The following TFEC variants were observed in gnomAD, a reference collection of about 807,000 sequenced individuals.
The protein encoded by TFEC is class E basic helix-loop-helix protein 34.
TFEC carries 31 observed loss-of-function variants against 41.6 expected under a neutral mutation model. That is an observed-to-expected ratio of 0.74 (90% CI 0.56 to 1.01). The LOEUF (loss-of-function observed/expected upper bound fraction) is 1.01, where lower values mean the gene tolerates loss of function less well. Ranked by LOEUF, TFEC falls within the 50% of genes least tolerant of loss-of-function variation. The pLI is 0.00. For missense variants in TFEC, 402 were observed against 404.1 expected, an observed-to-expected ratio of 0.99 and a Z score of 0.04; for synonymous variants, 143 against 140.6, an observed-to-expected ratio of 1.02 and a Z score of -0.12.
At chr7:116,103,527 A>G (rs1016733957) in intron 3 of TFEC, among the ~76,000 whole-genome samples, 8 of 152,304 alleles carry the variant, frequency 5.3e-5, no homozygotes, top group South Asian at 2.1e-4. Context: ...ACATTTCCTT[A>G]TATCTTTCAC....
chr7:115,994,847 G>T (rs1251399724), intron 1 of TFEC, among the ~76,000 whole-genome samples: 1 of 152,110 alleles, frequency 6.6e-6, no homozygotes, highest in Non-Finnish European at 1.5e-5. Context: ...CCATTGCTGG[G>T]TATATACCCA....
chr7:115,954,997 C>A (rs893623524), intron 4 of TFEC, among the ~76,000 whole-genome samples: 1 of 151,944 alleles, frequency 6.6e-6, no homozygotes, highest in South Asian at 2.1e-4. Flanking sequence ...ATATAGTATA[C>A]AGAAAATATA....
chr7:116,030,590 TGTTTA>T (rs1795756126), intron 1 of TFEC, 38 bp downstream of exon 1: 2 of 978,828 alleles, frequency 2.0e-6, no homozygotes, highest in Non-Finnish European at 2.4e-6. Flanking sequence ...CTTCCTAGTT[TGTTTA>T]AAGTACAGAA....
At chr7:116,135,132 A>G (rs1798409698) in intron 1 of TFEC, among the ~76,000 whole-genome samples, 1 of 152,146 alleles carries the variant, frequency 6.6e-6, no homozygotes, top group Admixed American at 6.5e-5. Flanking sequence ...CTAAATGTTA[A>G]TGAACAGAGC....
chr7:116,039,374 C>CT (rs1795980329), intron 3 of TFEC, among the ~76,000 whole-genome samples: 1 of 150,850 alleles, frequency 6.6e-6, no homozygotes, highest in Non-Finnish European at 1.5e-5. Flanking sequence ...ATGATAATAA[C>CT]TTTGATAACC....
chr7:115,997,605 A>G (rs1314614343), intron 1 of TFEC, among the ~76,000 whole-genome samples: 1 of 152,262 alleles, frequency 6.6e-6, no homozygotes, highest in East Asian at 1.9e-4. Flanking sequence ...CAAATAAACT[A>G]AACAAGTCAC....
At chr7:116,107,516 G>A (rs1458113677) in intron 3 of TFEC, among the ~76,000 whole-genome samples, 2 of 152,166 alleles carry the variant, frequency 1.3e-5, no homozygotes, top group Non-Finnish European at 2.9e-5. Flanking sequence ...GCAAGGAGGA[G>A]CTGGTCTGAG....
At chr7:116,011,613 G>C (rs1361215848) in intron 1 of TFEC, among the ~76,000 whole-genome samples, 1 of 151,948 alleles carries the variant, frequency 6.6e-6, no homozygotes, top group African/African-American at 2.4e-5. Context: ...ATATTATATG[G>C]TTATATTACT....
At chr7:116,057,073 A>C (rs1197008637) in intron 3 of TFEC, among the ~76,000 whole-genome samples, 1 of 152,066 alleles carries the variant, frequency 6.6e-6, no homozygotes, top group African/African-American at 2.4e-5. Context: ...GAAAAAAACT[A>C]GAAAACTTAC....
chr7:116,086,861 GT>G (rs1797215114), intron 3 of TFEC, among the ~76,000 whole-genome samples: 1 of 151,858 alleles, frequency 6.6e-6, no homozygotes, highest in Admixed American at 6.6e-5. Context: ...TCCCACATAT[GT>G]TTTTACATTT....
At chr7:116,157,827 G>A (rs1337622366) in intron 1 of TFEC, among the ~76,000 whole-genome samples, 2 of 152,052 alleles carry the variant, frequency 1.3e-5, no homozygotes, top group Non-Finnish European at 2.9e-5. Context: ...CTGTCACACC[G>A]AAGGTACTCA....
intron 2 of TFEC, among the ~76,000 whole-genome samples, chr7:115,978,055 G>A (rs762364233): frequency 1.6e-4 from 25 of 151,970 alleles, no homozygotes; most frequent in Admixed American, 5.3e-4. Flanking sequence ...AATCCTAATA[G>A]TAAAGTAAGT....
At chr7:116,107,247 T>C (rs1797740674) in intron 3 of TFEC, among the ~76,000 whole-genome samples, 1 of 152,082 alleles carries the variant, frequency 6.6e-6, no homozygotes, top group African/African-American at 2.4e-5. Flanking sequence ...ACAACCCCTT[T>C]TGCCTCCCAA....
chr7:116,156,393 A>T (rs1798871611), intron 1 of TFEC, among the ~76,000 whole-genome samples: 2 of 152,342 alleles, frequency 1.3e-5, no homozygotes, highest in Admixed American at 6.5e-5. Context: ...CTATTTTTTT[A>T]AAATAACCTT....
chr7:115,940,891 AG>A lies in TFEC; in HGVS notation c.703del (p.Leu235TrpfsTer9). On this transcript the variant is annotated frameshift_variant, in exon 8 of 8. Coordinates refer to ENST00000265440, the MANE Select transcript of TFEC (RefSeq NM_012252.4). LOFTEE classifies it high-confidence loss of function. ...IQARTHGLPTLASLGTVDLGA... is the reference protein window; with the variant it reads ...IQARTHGLPTXASLGTVDLGA... ...TAAATCAACCGTGCCAAGTGAAGCC[AG>A]GGTTGGCAGACCATGAGTACGAGCC... 6.2e-7 allele frequency: 1 copy of A among 1,609,928 alleles called. No homozygotes were observed. Among genetic ancestry groups the A allele is most frequent in the East Asian group, 2.2e-5 (1 of 44,782 alleles).
At chr7:116,131,516 AAAGC>A (rs1464304593) in intron 1 of TFEC, among the ~76,000 whole-genome samples, 3 of 152,256 alleles carry the variant, frequency 2.0e-5, no homozygotes, top group Non-Finnish European at 4.4e-5. Flanking sequence ...ATATATTAGA[AAAGC>A]AAGTGTAATC....
rs569799028 is a variant in TFEC, at chr7:115,968,435, A to G, written c.267+5735T>C. On this transcript the variant is annotated intron_variant, in intron 3 of 7. Transcript: ENST00000265440. The stretch of plus-strand genomic sequence containing the variant: ...CAACCAAGCACAGGGGGTTGTTAAT[A>G]TTTACTCATTCCTCGTCTCTGGAAT... The G allele has an allele frequency of 2.9e-5, 19 of 664,938 alleles. No homozygotes were observed. The South Asian group carries it at 7.1e-4, about 25-fold the overall frequency. 41.2% of individuals were successfully genotyped at this position (664,938 alleles called of 1,614,324 possible).
chr7:116,128,233 G>A (rs1334348240), intron 1 of TFEC, among the ~76,000 whole-genome samples: 1 of 152,050 alleles, frequency 6.6e-6, no homozygotes, highest in African/African-American at 2.4e-5. Context: ...AGCTAGTAAT[G>A]AGAAAATAAT....
intron 1 of TFEC, among the ~76,000 whole-genome samples, chr7:116,003,826 AAGAT>A (rs1584678978): frequency 6.6e-6 from 1 of 152,176 alleles, no homozygotes; most frequent in South Asian, 2.1e-4. Context: ...CAATAACAAA[AAGAT>A]AGCTAAAAAA....
Sources: gnomAD v4.1 joint callset for allele counts (sites outside exome capture counted in the v4.1 genomes callset) on GRCh38, gnomAD v4.1.1 for gene constraint, MANE v1.5 for transcripts, NCBI Gene and HGNC (gene_info 2026-07-23, HGNC 2026-07-21) for gene names.